OLR1: variants seen among roughly 807,000 people sequenced by gnomAD.
The protein encoded by OLR1 is oxidized low density lipoprotein receptor 1, also known as oxidized low-density lipoprotein receptor 1.
Under a neutral mutation model 31.7 loss-of-function variants are expected in OLR1, and 23 were observed. That is an observed-to-expected ratio of 0.72 (90% CI 0.52 to 1.03). The LOEUF (loss-of-function observed/expected upper bound fraction) is 1.03, where lower values mean the gene tolerates loss of function less well. Ranked by LOEUF, OLR1 falls within the 50% of genes least tolerant of loss-of-function variation. OLR1 has a pLI of 0.00. For synonymous variants in OLR1, 117 were observed against 115.8 expected (o/e 1.01, Z -0.07); for missense variants, 286 against 315.7 (o/e 0.91, Z 0.71).
chr12:10,172,030 A>T lies in OLR1; in HGVS notation c.48T>A (p.Asp16Glu), dbSNP rs1478020100. Reference sequence around the variant, plus strand: ...TAGCTTTTTTTCCATTTGACTTCTCATCAGGCTGGTCCTTCACAGTCTGGA... The same window carrying T: ...TAGCTTTTTTTCCATTTGACTTCTCTTCAGGCTGGTCCTTCACAGTCTGGA... ...LKIQTVKDQP[D>E]EKSNGKKAKG... Residue 16 changes from aspartate to glutamate, a missense_variant, in exon 1 of 6, where the codon GAT becomes GAA. By Grantham distance (45) the Asp-to-Glu change is conservative (BLOSUM62 2). Transcript: ENST00000309539. 6.2e-7 allele frequency: 1 copy of T among 1,613,904 alleles called. No individual in the cohort carries two copies. The highest frequency in any genetic ancestry group is 1.3e-5 in the African/African-American group (1 of 75,032).
chr12:10,169,000 AT>A, intron 2 of OLR1, 73 bp downstream of exon 2: 2 of 1,027,248 alleles, frequency 1.9e-6, no homozygotes, highest in Non-Finnish European at 2.8e-6. Flanking sequence ...AAAGAAACTT[AT>A]AAACCATATT....
chr12:10,160,092 T>C (rs17174597), intron 5 of OLR1, 71 bp from the exon 6 acceptor site: 680,593 of 1,505,810 alleles, frequency 0.45, 160,697 homozygotes, highest in Admixed American at 0.52. Flanking sequence ...TTCAGAAACT[T>C]AGCTTTTGAA....
At position 10,169,597 on chromosome 12, in the gene OLR1, A is replaced by T. The variant is rs371609139; in HGVS notation, c.77-422T>A. 5.4e-4 allele frequency among the ~76,000 whole-genome samples: 83 copies of T among 152,358 alleles called. 1 individual carries two copies. Among genetic ancestry groups the T allele is most frequent in the African/African-American group, 1.9e-3 (79 of 41,592 alleles). On this transcript the variant is annotated intron_variant, in intron 1 of 5. Coordinates refer to ENST00000309539, the MANE Select transcript of OLR1 (RefSeq NM_002543.4). ...GAAGTTTTTAATATACACCACGTGTACACATGTGCACACAAAAGTAACATA... is the reference window on the plus strand; with the variant it reads ...GAAGTTTTTAATATACACCACGTGTTCACATGTGCACACAAAAGTAACATA...
In OLR1 at chr12:10,160,456, T is replaced by A; in HGVS notation, c.571A>T (p.Ile191Phe). The A allele has an allele frequency of 6.2e-7, 1 of 1,610,776 alleles. No homozygotes were observed. Among genetic ancestry groups the A allele is most frequent in the Non-Finnish European group, 8.5e-7 (1 of 1,177,686 alleles). Reference protein sequence around the residue: ...KINSTADLDFIQQAISYSSFP... With the variant: ...KINSTADLDFFQQAISYSSFP... ...CTGGAATAGGAAATTGCTTGCTGGA[T>A]GAAGTCCTGTGGGGAGTAATGTTTC... The change falls in exon 5 of 6, where the codon ATC becomes TTC. Residue 191 changes from isoleucine to phenylalanine, a missense_variant. Coordinates refer to ENST00000309539, the MANE Select transcript of OLR1 (RefSeq NM_002543.4).
chr12:10,175,220 T>C (rs1948757427), upstream of OLR1: 1 of 152,214 alleles, frequency 6.6e-6, no homozygotes, highest in Non-Finnish European at 1.5e-5. Context: ...ATGTAAGGTA[T>C]AGTGACTATT....
chr12:10,172,356 G>C (rs192780902), upstream of OLR1: 38 of 308,500 alleles, frequency 1.2e-4, no homozygotes, highest in African/African-American at 8.0e-4. Context: ...TATTTTTCAT[G>C]AGCATCAGAG....
At chr12:10,164,927 T>C (rs974946264) in intron 3 of OLR1, among the ~76,000 whole-genome samples, 2 of 152,174 alleles carry the variant, frequency 1.3e-5, no homozygotes, top group Admixed American at 1.3e-4. Flanking sequence ...ATCTGAAGTA[T>C]CTGCGTAAGG....
intron 1 of OLR1, among the ~76,000 whole-genome samples, chr12:10,171,628 T>C (rs1174858666): frequency 6.6e-6 from 1 of 152,212 alleles, no homozygotes; most frequent in Non-Finnish European, 1.5e-5. Flanking sequence ...GGTACAGTCC[T>C]AGCTCTACCA....
At chr12:10,174,269 G>T (rs949131389), upstream of OLR1, among the ~76,000 whole-genome samples, 3 of 151,990 alleles carry the variant, frequency 2.0e-5, no homozygotes, top group African/African-American at 7.3e-5. Flanking sequence ...CACCATGTTG[G>T]CCAGGCTGGT....
chr12:10,166,899 C>G lies in OLR1; in HGVS notation c.237G>C (p.Lys79Asn), dbSNP rs765026246. ...QEQANLTHQKKKLEGQISARQ... is the reference protein window; with the variant it reads ...QEQANLTHQKNKLEGQISARQ... ...GGGCTGAGATCTGTCCCTCCAGTTT[C>G]TTTTTCTGGTGAGTTAGGTTTGCTT... Residue 79 changes from lysine (K) to asparagine (N), a missense_variant, in exon 3 of 6, where the codon AAG becomes AAC. Coordinates refer to ENST00000309539, the MANE Select transcript of OLR1 (RefSeq NM_002543.4). 24 of 1,613,544 alleles carry G rather than the reference C, an allele frequency of 1.5e-5. No individual in the cohort carries two copies. The African/African-American group carries it at 2.9e-4, about 20-fold the overall frequency.
intron 4 of OLR1, 123 bp downstream of exon 4, chr12:10,160,663 A>G: frequency 7.8e-7 from 1 of 1,285,422 alleles, no homozygotes; most frequent in Non-Finnish European, 1.1e-6. Context: ...ATTGGTGATC[A>G]GACTAAGCTA....
rs776310061 is a variant in OLR1 at position 10,166,885 on chromosome 12, T to G, written c.251A>C (p.Gln84Pro). The G allele has an allele frequency of 3.2e-5, 52 of 1,613,652 alleles. No individual in the cohort carries two copies. The highest frequency in any genetic ancestry group is 6.7e-5 in the Admixed American group (4 of 59,934). Residue 84 changes from glutamine (Q) to proline (P), a missense_variant, in exon 3 of 6, where the codon CAG becomes CCG. Transcript: ENST00000309539. Reference protein sequence around the residue: ...LTHQKKKLEGQISARQQAEEA... With the variant: ...LTHQKKKLEGPISARQQAEEA... ...TTCTGCTTGTTGCCGGGCTGAGATC[T>G]GTCCCTCCAGTTTCTTTTTCTGGTG... is the stretch of plus-strand genomic sequence containing the variant.
intron 3 of OLR1, 27 bp downstream of exon 3, chr12:10,166,685 T>A (rs747172188): frequency 1.2e-6 from 2 of 1,612,546 alleles, no homozygotes; most frequent in East Asian, 2.2e-5. Context: ...TTCCACTATG[T>A]CTCCTTACCC....
chr12:10,164,911 T>C (rs1336367295), intron 3 of OLR1, among the ~76,000 whole-genome samples: 2 of 152,170 alleles, frequency 1.3e-5, no homozygotes, highest in Non-Finnish European at 2.9e-5. Context: ...CTCATATTTT[T>C]GTCTAATCTG....
Position 10,172,092 on chromosome 12 carries a change from T to G in OLR1, c.-15A>C, listed in dbSNP as rs1948726743. Reference sequence around the variant, plus strand: ...TCAAAAGTCATTTCCAAATTCAAGCTAAGAATGAGAGAGTGAAGCAGTCAC... The same window carrying G: ...TCAAAAGTCATTTCCAAATTCAAGCGAAGAATGAGAGAGTGAAGCAGTCAC... On this transcript the variant is annotated 5_prime_UTR_variant, in exon 1 of 6. Transcript: ENST00000309539. The G allele has an allele frequency of 1.2e-6, 2 of 1,605,458 alleles. No individual in the cohort carries two copies. The highest frequency in any genetic ancestry group is 1.7e-6 in the Non-Finnish European group (2 of 1,172,410).
At chr12:10,163,803 C>T (rs950056426) in intron 3 of OLR1, among the ~76,000 whole-genome samples, 1 of 151,966 alleles carries the variant, frequency 6.6e-6, no homozygotes, top group South Asian at 2.1e-4. Flanking sequence ...TGGTGGCAGG[C>T]GCCTGTAATC....
chr12:10,165,369 G>A (rs35902427), intron 3 of OLR1, among the ~76,000 whole-genome samples: 3,428 of 152,232 alleles, frequency 0.023, 138 homozygotes, highest in African/African-American at 0.078. Context: ...GGCGGAGGTG[G>A]CAGTGAGCCG....
chr12:10,160,842 C>G lies in OLR1; in HGVS notation c.508G>C (p.Glu170Gln). Reference sequence around the variant, plus strand: ...TTGGCATCCAAAGACAAGCACTTCTCTTGGCTCTTTTCCCAGTTAAATGAG... The same window carrying G: ...TTGGCATCCAAAGACAAGCACTTCTGTTGGCTCTTTTCCCAGTTAAATGAG... Reference protein sequence around the residue: ...SGSFNWEKSQEKCLSLDAKLL... With the variant: ...SGSFNWEKSQQKCLSLDAKLL... The change falls in exon 4 of 6, where the codon GAG (glutamate) becomes CAG (glutamine). Residue 170 changes from glutamate to glutamine, a missense_variant. Physicochemically the swap from Glu to Gln is conservative, Grantham distance 29. Coordinates refer to ENST00000309539, the MANE Select transcript of OLR1 (RefSeq NM_002543.4). 1 of 1,614,180 alleles carries G rather than the reference C, an allele frequency of 6.2e-7. No individual in the cohort carries two copies. Among genetic ancestry groups the G allele is most frequent in the African/African-American group, 1.3e-5 (1 of 75,042 alleles).
intron 1 of OLR1, chr12:10,170,880 C>G (rs989874023): frequency 6.6e-6 from 1 of 152,162 alleles, no homozygotes; most frequent in African/African-American, 2.4e-5. Flanking sequence ...TATAGATTCT[C>G]TTTGTCCTGT....
Sources: gnomAD v4.1 joint callset for allele counts (sites outside exome capture counted in the v4.1 genomes callset) on GRCh38, gnomAD v4.1.1 for gene constraint, MANE v1.5 for transcripts, NCBI Gene and HGNC (gene_info 2026-07-23, HGNC 2026-07-21) for gene names.